The following CCDC15 variants were observed in gnomAD, a reference collection of about 807,000 sequenced individuals.
CCDC15 encodes the protein coiled-coil domain containing 15, also known as coiled-coil domain-containing protein 15.
A neutral mutation model predicts 114.5 loss-of-function variants in CCDC15; 105 were observed. The observed-to-expected ratio is 0.92, with a 90% CI of 0.78 to 1.08. The LOEUF (loss-of-function observed/expected upper bound fraction) is 1.08. CCDC15 is among the 50% of genes least tolerant of loss of function. CCDC15 has a pLI of 0.00. For synonymous variants in CCDC15, 334 were observed against 377.8 expected (o/e 0.88, Z 1.34); for missense variants, 1,105 against 1,093.6 (o/e 1.01, Z -0.15).
chr11:124,996,517 A>G (rs1344469464), intron 11 of CCDC15, among the ~76,000 whole-genome samples: 1 of 152,216 alleles, frequency 6.6e-6, no homozygotes, highest in East Asian at 1.9e-4. Flanking sequence ...ACATGTAAAT[A>G]TAGACACATT....
At chr11:125,039,168 G>T (rs1948798424) in intron 15 of CCDC15, 99 bp downstream of exon 15, 1 of 1,147,028 alleles carries the variant, frequency 8.7e-7, no homozygotes, top group Non-Finnish European at 1.2e-6. Flanking sequence ...TGCTTACTAT[G>T]TATCAGAGAC....
intron 6 of CCDC15, among the ~76,000 whole-genome samples, chr11:124,980,082 G>A (rs965506372): frequency 3.3e-5 from 5 of 152,158 alleles, no homozygotes; most frequent in African/African-American, 1.2e-4. Flanking sequence ...CACAATTAAT[G>A]ATTTGTGTAT....
intron 6 of CCDC15, among the ~76,000 whole-genome samples, chr11:124,982,551 A>G (rs1369616685): frequency 1.3e-5 from 2 of 152,194 alleles, no homozygotes; most frequent in Non-Finnish European, 2.9e-5. Context: ...TATGAAGCTT[A>G]GTGTGGCTGG....
chr11:124,996,102 A>T (rs1049888020), intron 11 of CCDC15, among the ~76,000 whole-genome samples: 3 of 152,038 alleles, frequency 2.0e-5, no homozygotes, highest in Non-Finnish European at 2.9e-5. Context: ...AGGTGCTGGG[A>T]TTACAGGTGT....
intron 11 of CCDC15, among the ~76,000 whole-genome samples, chr11:124,995,887 G>T (rs575646997): frequency 1.1e-4 from 17 of 151,614 alleles, no homozygotes; most frequent in African/African-American, 4.1e-4. Context: ...CTGGAGTGCA[G>T]TTGCGCAATC....
chr11:125,039,139 T>A, intron 15 of CCDC15, 70 bp downstream of exon 15: 1 of 1,373,334 alleles, frequency 7.3e-7, no homozygotes, highest in Non-Finnish European at 9.9e-7. Flanking sequence ...GTGGTAATAG[T>A]AATTTACCAT....
At chr11:124,965,454 G>A (rs1253613787) in intron 4 of CCDC15, among the ~76,000 whole-genome samples, 2 of 152,130 alleles carry the variant, frequency 1.3e-5, no homozygotes, top group Admixed American at 6.5e-5. Flanking sequence ...ATTCTCTGAT[G>A]GTAGTTTGCA....
chr11:125,031,713 A>G (rs1390111935), intron 13 of CCDC15, among the ~76,000 whole-genome samples: 2 of 152,198 alleles, frequency 1.3e-5, no homozygotes, highest in East Asian at 3.9e-4. Context: ...CAGCATCCTT[A>G]TCTGCCACTG....
At chr11:125,030,266 C>T (rs972286586) in intron 13 of CCDC15, among the ~76,000 whole-genome samples, 1 of 152,120 alleles carries the variant, frequency 6.6e-6, no homozygotes, top group Non-Finnish European at 1.5e-5. Flanking sequence ...GAGAACTTTG[C>T]CCCAGCCCTG....
chr11:124,990,224 G>C (rs1393871183), intron 8 of CCDC15, among the ~76,000 whole-genome samples: 1 of 152,204 alleles, frequency 6.6e-6, no homozygotes, highest in Non-Finnish European at 1.5e-5. Context: ...GGGTGGCCAG[G>C]TGGTAGAACA....
chr11:125,007,550 T>C (rs919722224), intron 13 of CCDC15, among the ~76,000 whole-genome samples: 2 of 152,186 alleles, frequency 1.3e-5, no homozygotes, highest in Admixed American at 1.3e-4. Context: ...GGGATACAGG[T>C]ATACCTTTGA....
At chr11:125,025,085 A>AAT (rs1171259249) in intron 13 of CCDC15, among the ~76,000 whole-genome samples, 1 of 79,522 alleles carries the variant, frequency 1.3e-5, no homozygotes, top group Non-Finnish European at 2.7e-5. Context: ...AATATATATG[A>AAT]ATATATATAT....
At chr11:124,983,311 A>G (rs1016259284) in intron 6 of CCDC15, among the ~76,000 whole-genome samples, 3 of 152,162 alleles carry the variant, frequency 2.0e-5, no homozygotes, top group African/African-American at 7.2e-5. Context: ...AGACTAGTTA[A>G]GAATTATTGT....
chr11:125,011,688 C>G (rs2135527335), intron 13 of CCDC15, among the ~76,000 whole-genome samples: 1 of 152,202 alleles, frequency 6.6e-6, no homozygotes, highest in South Asian at 2.1e-4. Flanking sequence ...TGATTTAAGC[C>G]TGCCTCTAAT....
Position 124,989,370 on chromosome 11 carries a change from T to A in CCDC15, c.1908+1236T>A, listed in dbSNP as rs146501038. 1.4e-4 allele frequency among the ~76,000 whole-genome samples: 22 copies of A among 152,340 alleles called. No individual in the cohort carries two copies. In the East Asian group the frequency reaches 3.7e-3, roughly 25 times the overall value. ...CAGATGTGCTGTCATCTTGGCTTTG[T>A]TATTCCCTTCACAAAGCACAAGAAA... On this transcript the variant is annotated intron_variant, in intron 8 of 15. Coordinates refer to ENST00000344762, the MANE Select transcript of CCDC15 (RefSeq NM_025004.3).
intron 4 of CCDC15, among the ~76,000 whole-genome samples, chr11:124,971,568 C>A (rs1341181519): frequency 1.3e-5 from 2 of 151,978 alleles, no homozygotes; most frequent in Non-Finnish European, 2.9e-5. Context: ...AATATGAGAA[C>A]CAAAAATGCA....
At chr11:125,010,688 G>A (rs1847142350) in intron 13 of CCDC15, among the ~76,000 whole-genome samples, 1 of 152,118 alleles carries the variant, frequency 6.6e-6, no homozygotes, top group Admixed American at 6.6e-5. Context: ...TATAGATACT[G>A]GATATCAGAC....
At chr11:124,970,564 T>C (rs1851675328) in intron 4 of CCDC15, among the ~76,000 whole-genome samples, 1 of 152,222 alleles carries the variant, frequency 6.6e-6, no homozygotes, top group Admixed American at 6.5e-5. Context: ...AACAATACAC[T>C]TTACATTGGT....
At position 124,987,385 on chromosome 11, in the gene CCDC15, GA is replaced by G; in HGVS notation, c.1162del (p.Thr388LeufsTer6). On this transcript the variant is annotated frameshift_variant, in exon 8 of 16. Transcript: ENST00000344762. LOFTEE classifies it high-confidence loss of function. ...IEPEGQPIKT[E>X]TQGIMLKAQS... The stretch of plus-strand genomic sequence containing the variant: ...GCCAGAAGGCCAGCCTATTAAGACA[GA>G]AACTCAGGGTATTATGCTGAAAGCC... 6.2e-7 allele frequency: 1 copy of G among 1,613,986 alleles called. No homozygotes were observed. Among genetic ancestry groups the G allele is most frequent in the Non-Finnish European group, 8.5e-7 (1 of 1,179,896 alleles).
Sources: gnomAD v4.1 joint callset for allele counts (sites outside exome capture counted in the v4.1 genomes callset) on GRCh38, gnomAD v4.1.1 for gene constraint, MANE v1.5 for transcripts, NCBI Gene and HGNC (gene_info 2026-07-23, HGNC 2026-07-21) for gene names.